Variants in CSMD1 observed in about 807,000 individuals in gnomAD.
CSMD1 encodes the protein CUB and sushi domain-containing protein 1.
In CSMD1, 213 loss-of-function variants were observed where a neutral mutation model predicts 417.5. The ratio of observed to expected loss-of-function variants is 0.51; its 90% CI spans 0.46 to 0.57. CSMD1 has a LOEUF of 0.57. Ranked by LOEUF, CSMD1 falls within the 20% of genes least tolerant of loss-of-function variation. CSMD1 has a pLI of 0.00. For missense variants in CSMD1, 6,923 were observed against 4,529.7 expected (o/e 1.53, Z -15.17); for synonymous variants, 2,862 against 1,736.8 (o/e 1.65, Z -16.11).
chr8:4,611,148 C>T (rs538803352), intron 2 of CSMD1, among the ~76,000 whole-genome samples: 107 of 151,974 alleles, frequency 7.0e-4, no homozygotes, highest in Non-Finnish European at 1.3e-3. Context: ...GTAATATGTT[C>T]TTCTAGACCT....
intron 39 of CSMD1, among the ~76,000 whole-genome samples, chr8:3,153,298 C>T (rs1315111474): frequency 1.3e-5 from 2 of 152,198 alleles, no homozygotes; most frequent in African/African-American, 2.4e-5. Context: ...GCTTGTTTAG[C>T]ATATCATCAA....
chr8:4,693,161 A>C (rs1251952113), intron 1 of CSMD1, among the ~76,000 whole-genome samples: 1 of 152,152 alleles, frequency 6.6e-6, no homozygotes, highest in African/African-American at 2.4e-5. Flanking sequence ...GCTCCTCTTA[A>C]TTCCTTAATT....
At chr8:4,085,679 T>C (rs1312637262) in intron 3 of CSMD1, among the ~76,000 whole-genome samples, 1 of 152,180 alleles carries the variant, frequency 6.6e-6, no homozygotes, top group East Asian at 1.9e-4. Context: ...GATTCCAGGA[T>C]AATGCTCTAA....
chr8:3,840,841 C>G, intron 5 of CSMD1, among the ~76,000 whole-genome samples: 1 of 151,790 alleles, frequency 6.6e-6, no homozygotes, highest in East Asian at 1.9e-4. Context: ...GCGCCTGCCA[C>G]TACGTACAGG....
intron 11 of CSMD1, among the ~76,000 whole-genome samples, chr8:3,479,038 C>A (rs11775178): frequency 3.3e-5 from 5 of 152,074 alleles, no homozygotes; most frequent in African/African-American, 1.2e-4. Context: ...CACTCCAAGC[C>A]TGGGAAATCC....
chr8:3,239,649 T>C (rs1391471548), intron 26 of CSMD1, among the ~76,000 whole-genome samples: 5 of 152,184 alleles, frequency 3.3e-5, no homozygotes, highest in Non-Finnish European at 7.3e-5. Context: ...GATAGATTTC[T>C]ATGATGGAAA....
chr8:3,873,508 A>G (rs1805620316), intron 5 of CSMD1, among the ~76,000 whole-genome samples: 1 of 152,084 alleles, frequency 6.6e-6, no homozygotes, highest in African/African-American at 2.4e-5. Context: ...AATAATAAGA[A>G]CACAGGGACA....
intron 1 of CSMD1, among the ~76,000 whole-genome samples, chr8:4,644,242 C>T (rs943619021): frequency 6.6e-6 from 1 of 152,186 alleles, no homozygotes; most frequent in Admixed American, 6.5e-5. Context: ...ACACACCACG[C>T]TTGTTCCCAC....
Position 4,030,932 on chromosome 8 carries a change from T to A in CSMD1, c.610+973A>T, listed in dbSNP as rs114770782. On this transcript the variant is annotated intron_variant, in intron 4 of 69. Transcript: ENST00000635120. ...TCTCTAGGGCAGGGGCAAAATGCCA[T>A]CAGTCTTTTTGCTAAAACGTAACAA... Among the ~76,000 whole-genome samples the A allele has an allele frequency of 9.1e-3, 1,391 of 152,310 alleles. 27 individuals are homozygous for A. The highest frequency in any genetic ancestry group is 0.032 in the African/African-American group (1,335 of 41,574).
intron 2 of CSMD1, among the ~76,000 whole-genome samples, chr8:4,563,017 C>T (rs1430011783): frequency 2.0e-5 from 3 of 152,038 alleles, no homozygotes; most frequent in Admixed American, 6.6e-5. Flanking sequence ...ATGAAAATTC[C>T]GGTGTTTTAA....
At chr8:2,976,818 A>AT (rs371449268) in intron 55 of CSMD1, among the ~76,000 whole-genome samples, 43 of 151,560 alleles carry the variant, frequency 2.8e-4, no homozygotes, top group East Asian at 1.2e-3. Flanking sequence ...AGTCAATCTG[A>AT]TTTTTTTTTC....
intron 1 of CSMD1, among the ~76,000 whole-genome samples, chr8:4,863,430 G>T (rs1802247989): frequency 6.6e-6 from 1 of 152,076 alleles, no homozygotes; most frequent in South Asian, 2.1e-4. Context: ...CAATAGACCA[G>T]AGCATGAATC....
intron 3 of CSMD1, among the ~76,000 whole-genome samples, chr8:4,116,513 ATGTATGAGTG>A (rs1563143898): frequency 7.0e-5 from 5 of 71,760 alleles, no homozygotes; most frequent in South Asian, 5.5e-4. Flanking sequence ...TCCGACGGCG[ATGTATGAGTG>A]CAGGTACCTG....
chr8:4,179,571 G>C (rs1360760370), intron 3 of CSMD1, among the ~76,000 whole-genome samples: 1 of 151,068 alleles, frequency 6.6e-6, no homozygotes, highest in South Asian at 2.1e-4. Context: ...AGACAAAATT[G>C]ACAAATGGAA....
intron 1 of CSMD1, among the ~76,000 whole-genome samples, chr8:4,895,537 G>A (rs561480710): frequency 1.3e-5 from 2 of 151,640 alleles, no homozygotes; most frequent in Non-Finnish European, 2.9e-5. Context: ...AAAAGTCAAG[G>A]AGTGTTTTTA....
chr8:4,030,265 G>T (rs565277920), intron 4 of CSMD1, among the ~76,000 whole-genome samples: 1 of 152,172 alleles, frequency 6.6e-6, no homozygotes, highest in Non-Finnish European at 1.5e-5. Flanking sequence ...CTCCTGCACT[G>T]CCCTAGCAAA....
At chr8:4,801,139 G>A (rs1312650682) in intron 1 of CSMD1, among the ~76,000 whole-genome samples, 1 of 152,096 alleles carries the variant, frequency 6.6e-6, no homozygotes, top group Non-Finnish European at 1.5e-5. Flanking sequence ...TACATTTTTT[G>A]TATCTTACCT....
At chr8:3,529,053 G>A (rs914429129) in intron 10 of CSMD1, among the ~76,000 whole-genome samples, 3 of 152,246 alleles carry the variant, frequency 2.0e-5, no homozygotes, top group African/African-American at 7.2e-5. Flanking sequence ...GCTCACTTTA[G>A]TACAAGCTGT....
intron 5 of CSMD1, among the ~76,000 whole-genome samples, chr8:3,822,146 C>A (rs565114186): frequency 6.6e-6 from 1 of 152,108 alleles, no homozygotes; most frequent in African/African-American, 2.4e-5. Flanking sequence ...AAAGACGGAA[C>A]TTCTCCTTTC....
Sources: allele counts gnomAD v4.1 joint callset (sites outside exome capture counted in the v4.1 genomes callset), GRCh38; gene constraint gnomAD v4.1.1; transcripts MANE v1.5; gene names NCBI Gene and HGNC (gene_info 2026-07-23, HGNC 2026-07-21).